Variants in XKR4 observed in about 807,000 individuals in gnomAD.
XKR4 encodes the protein XK-related protein 4.
In XKR4, 12 loss-of-function variants were observed where a neutral mutation model predicts 53.9. The ratio of observed to expected loss-of-function variants is 0.22; its 90% CI spans 0.14 to 0.36. The LOEUF is 0.36. Among genes scored for constraint, XKR4 ranks in the 10% least tolerant of loss-of-function variants. The pLI, the probability that XKR4 is intolerant of heterozygous loss-of-function variation, is 1.00. For missense variants in XKR4, 799 were observed against 859.5 expected, an observed-to-expected ratio of 0.93 and a Z score of 0.88; for synonymous variants, 354 against 362.4, an observed-to-expected ratio of 0.98 and a Z score of 0.26.
intron 1 of XKR4, among the ~76,000 whole-genome samples, chr8:55,271,426 T>G (rs1228636420): frequency 6.6e-6 from 1 of 152,180 alleles, no homozygotes; most frequent in Admixed American, 6.5e-5. Context: ...TTTGAGGATT[T>G]CGAAAAGTAG....
chr8:55,366,092 G>A (rs1803981571), intron 2 of XKR4, among the ~76,000 whole-genome samples: 1 of 152,254 alleles, frequency 6.6e-6, no homozygotes, highest in African/African-American at 2.4e-5. Flanking sequence ...GACAGGCGCT[G>A]TGGAGGCCCA....
At chr8:55,454,888 G>C in intron 2 of XKR4, 1 of 765,376 alleles carries the variant, frequency 1.3e-6, no homozygotes, top group Non-Finnish European at 2.4e-6. Flanking sequence ...GTCGTTTCCT[G>C]CTCCCAGAAG....
intron 2 of XKR4, among the ~76,000 whole-genome samples, chr8:55,405,349 T>C (rs1355547773): frequency 1.3e-5 from 2 of 152,228 alleles, no homozygotes; most frequent in African/African-American, 4.8e-5. Flanking sequence ...ATTTGCTCCC[T>C]GGAAAGCTTA....
At chr8:55,315,011 G>T (rs1586006220) in intron 1 of XKR4, among the ~76,000 whole-genome samples, 1 of 152,182 alleles carries the variant, frequency 6.6e-6, no homozygotes, top group Non-Finnish European at 1.5e-5. Flanking sequence ...CCTAAACTAG[G>T]TGATTTCACG....
At chr8:55,381,910 G>A (rs914375226) in intron 2 of XKR4, among the ~76,000 whole-genome samples, 1 of 152,226 alleles carries the variant, frequency 6.6e-6, no homozygotes, top group African/African-American at 2.4e-5. Flanking sequence ...GGGTGCGGGG[G>A]CACTGAGATC....
At chr8:55,407,422 C>T (rs939723987) in intron 2 of XKR4, among the ~76,000 whole-genome samples, 3 of 152,206 alleles carry the variant, frequency 2.0e-5, no homozygotes, top group African/African-American at 7.2e-5. Context: ...TTGAGAATTA[C>T]GGACTTAGAA....
chr8:55,468,526 A>G (rs1805815427), intron 2 of XKR4, among the ~76,000 whole-genome samples: 2 of 152,158 alleles, frequency 1.3e-5, no homozygotes, highest in South Asian at 2.1e-4. Context: ...TCAAGAAAGT[A>G]TGCCTTTTAG....
In XKR4 at chr8:55,201,955, C is replaced by T. The variant is rs930823084; in HGVS notation, c.806+98661C>T. On this transcript the variant is annotated intron_variant, in intron 1 of 2. Transcript: ENST00000327381. ...TCCTCTATTAAAAAGGAGTGTCTTT[C>T]TTCGGTTGCTAAAACTGAGATATGG... 2.0e-5 allele frequency among the ~76,000 whole-genome samples: 3 copies of T among 152,162 alleles called. No individual in the cohort carries two copies. The East Asian group carries it at 5.8e-4, about 29-fold the overall frequency.
chr8:55,523,864 C>T lies in XKR4; in HGVS notation c.1590C>T (p.Asp530=). 6.2e-7 allele frequency: 1 copy of T among 1,614,148 alleles called. No homozygotes were observed. Among genetic ancestry groups the T allele is most frequent in the African/African-American group, 1.3e-5 (1 of 75,028 alleles). The change falls in exon 3 of 3, where the codon GAC becomes GAT. Residue 530 remains aspartate, a synonymous_variant. Coordinates refer to ENST00000327381, the MANE Select transcript of XKR4 (RefSeq NM_052898.2). ...FGQSPSCACE[D]PAAAFTLPPD... Reference sequence around the variant, plus strand: ...AGTCACCAAGTTGTGCTTGTGAGGACCCAGCCGCTGCCTTCACTTTGCCCC... The same window carrying T: ...AGTCACCAAGTTGTGCTTGTGAGGATCCAGCCGCTGCCTTCACTTTGCCCC...
chr8:55,348,603 C>T (rs563472285), intron 1 of XKR4, among the ~76,000 whole-genome samples: 1 of 151,716 alleles, frequency 6.6e-6, no homozygotes, highest in South Asian at 2.1e-4. Flanking sequence ...CATGAGGTTA[C>T]AATACAATCC....
At chr8:55,477,160 A>G (rs1380191622) in intron 2 of XKR4, among the ~76,000 whole-genome samples, 2 of 152,038 alleles carry the variant, frequency 1.3e-5, no homozygotes, top group African/African-American at 4.8e-5. Context: ...GCAGACTGAC[A>G]CCTCACACAG....
chr8:55,123,825 A>T (rs1401693947), intron 1 of XKR4, among the ~76,000 whole-genome samples: 2 of 152,190 alleles, frequency 1.3e-5, no homozygotes, highest in East Asian at 3.9e-4. Context: ...TTTTCTCTTA[A>T]GGACTGAGAG....
intron 2 of XKR4, among the ~76,000 whole-genome samples, chr8:55,415,287 G>GA (rs1281241214): frequency 6.6e-6 from 1 of 152,204 alleles, no homozygotes; most frequent in Non-Finnish European, 1.5e-5. Context: ...ATAAGGCAGG[G>GA]AGGGCAAGGG....
At chr8:55,161,011 T>G (rs1419285831) in intron 1 of XKR4, among the ~76,000 whole-genome samples, 6 of 152,186 alleles carry the variant, frequency 3.9e-5, no homozygotes, top group Admixed American at 6.5e-5. Flanking sequence ...ACATTGGTGA[T>G]TGTTGAGTAG....
intron 2 of XKR4, among the ~76,000 whole-genome samples, chr8:55,463,428 G>A (rs1805696020): frequency 1.3e-5 from 2 of 151,266 alleles, no homozygotes; most frequent in South Asian, 2.1e-4. Flanking sequence ...TGAAACCAAC[G>A]AGAACAAAGA....
At chr8:55,351,715 G>A (rs541861105) in intron 1 of XKR4, among the ~76,000 whole-genome samples, 1 of 152,192 alleles carries the variant, frequency 6.6e-6, no homozygotes, top group East Asian at 1.9e-4. Flanking sequence ...CAACATCACT[G>A]GCCCCCCTGA....
At chr8:55,478,612 A>G (rs528085385) in intron 2 of XKR4, among the ~76,000 whole-genome samples, 37 of 152,196 alleles carry the variant, frequency 2.4e-4, no homozygotes, top group Admixed American at 5.2e-4. Flanking sequence ...GGCAAATTGG[A>G]TAAAGAGTCA....
intron 1 of XKR4, among the ~76,000 whole-genome samples, chr8:55,103,887 ATATAT>A (rs1816100095): frequency 7.6e-6 from 1 of 132,278 alleles, no homozygotes; most frequent in Non-Finnish European, 1.6e-5. Flanking sequence ...ATATATATAT[ATATAT>A]ATCCCCGAGC....
At chr8:55,164,293 G>T (rs1817032064) in intron 1 of XKR4, 1 of 455,902 alleles carries the variant, frequency 2.2e-6, no homozygotes, top group African/African-American at 2.0e-5. Flanking sequence ...CATTCTCCTA[G>T]TGGGCAGGAT....
Sources: allele counts gnomAD v4.1 joint callset (sites outside exome capture counted in the v4.1 genomes callset), GRCh38; gene constraint gnomAD v4.1.1; transcripts MANE v1.5; gene names NCBI Gene and HGNC (gene_info 2026-07-23, HGNC 2026-07-21).